SYT1: variants seen among roughly 807,000 people sequenced by gnomAD.
The protein encoded by SYT1 is synaptotagmin-1.
In SYT1, 8 loss-of-function variants were observed where a neutral mutation model predicts 44.8. That is an observed-to-expected ratio of 0.18 (90% confidence interval 0.10 to 0.32). The LOEUF is 0.32. SYT1 is among the 10% of genes least tolerant of loss of function. The pLI is 1.00. For missense variants in SYT1, 286 were observed against 509.3 expected (o/e 0.56, Z 4.22); for synonymous variants, 154 against 188.8 (o/e 0.82, Z 1.51).
chr12:78,873,311 T>C (rs1025326005), intron 1 of SYT1, among the ~76,000 whole-genome samples: 1 of 151,796 alleles, frequency 6.6e-6, no homozygotes, highest in East Asian at 1.9e-4. Context: ...CTTTTGCTTA[T>C]CTAACATCAT....
At chr12:78,973,152 T>G (rs1001392163) in intron 1 of SYT1, among the ~76,000 whole-genome samples, 1 of 152,194 alleles carries the variant, frequency 6.6e-6, no homozygotes, top group Non-Finnish European at 1.5e-5. Flanking sequence ...AAAAATGATA[T>G]GTATTTACAT....
intron 8 of SYT1, among the ~76,000 whole-genome samples, chr12:79,351,324 T>C (rs1379367181): frequency 6.6e-6 from 1 of 152,330 alleles, no homozygotes; most frequent in East Asian, 1.9e-4. Context: ...TAAAAGGTAT[T>C]GGAAGAAGAC....
At chr12:79,236,804 G>T (rs1388817766) in intron 4 of SYT1, among the ~76,000 whole-genome samples, 1 of 152,222 alleles carries the variant, frequency 6.6e-6, no homozygotes, top group African/African-American at 2.4e-5. Context: ...AATATGCATG[G>T]AAACAATAAC....
At chr12:79,108,531 G>A (rs766693266) in intron 3 of SYT1, among the ~76,000 whole-genome samples, 10 of 152,074 alleles carry the variant, frequency 6.6e-5, no homozygotes, top group Non-Finnish European at 1.2e-4. Context: ...TAAGGATACA[G>A]TGAGAGAGAC....
intron 4 of SYT1, among the ~76,000 whole-genome samples, chr12:79,224,624 G>A (rs984010926): frequency 1.5e-4 from 23 of 152,018 alleles, no homozygotes; most frequent in African/African-American, 5.3e-4. Context: ...GTCATGTGGG[G>A]CCTTGTCAAT....
chr12:79,412,187 G>A (rs1281362954), intron 9 of SYT1, among the ~76,000 whole-genome samples: 1 of 152,148 alleles, frequency 6.6e-6, no homozygotes, highest in Non-Finnish European at 1.5e-5. Context: ...TGTCCCTTCT[G>A]CCATGATTCT....
At chr12:78,949,491 C>T (rs866086797) in intron 1 of SYT1, among the ~76,000 whole-genome samples, 58 of 148,474 alleles carry the variant, frequency 3.9e-4, no homozygotes, top group Non-Finnish European at 5.8e-4. Context: ...AAAAAAAAAA[C>T]CTTAAATAAT....
At chr12:79,086,896 T>G (rs574889098) in intron 3 of SYT1, among the ~76,000 whole-genome samples, 133 of 152,286 alleles carry the variant, frequency 8.7e-4, no homozygotes, top group African/African-American at 3.2e-3. Context: ...ATTTATAAAA[T>G]GCCTTTTTTC....
chr12:79,187,991 A>G (rs1233152797), intron 3 of SYT1, among the ~76,000 whole-genome samples: 1 of 152,144 alleles, frequency 6.6e-6, no homozygotes, highest in Non-Finnish European at 1.5e-5. Flanking sequence ...AACTATCAAG[A>G]CTTGGGAAAG....
chr12:79,354,141 A>C (rs1053463832), intron 9 of SYT1, among the ~76,000 whole-genome samples: 1 of 152,158 alleles, frequency 6.6e-6, no homozygotes, highest in African/African-American at 2.4e-5. Context: ...TCCACAGCTG[A>C]CATTGAGGAT....
intron 3 of SYT1, among the ~76,000 whole-genome samples, chr12:79,082,649 T>C (rs1877112682): frequency 6.6e-6 from 1 of 152,222 alleles, no homozygotes; most frequent in Non-Finnish European, 1.5e-5. Flanking sequence ...AATATATCCC[T>C]GAACCCTTGC....
Position 79,219,550 on chromosome 12 carries a change from T to C in SYT1, c.166+1865T>C, listed in dbSNP as rs192871296. 3.6e-3 allele frequency among the ~76,000 whole-genome samples: 550 copies of C among 152,248 alleles called. 2 individuals are homozygous for C. The Middle Eastern group carries it at 0.037, about 10-fold the overall frequency. On this transcript the variant is annotated intron_variant, in intron 4 of 10. Transcript: ENST00000261205. ...TGTTGTGAGATAGAGTATAGTTTCA[T>C]TCTTATGCATGTGGATATCCAGTTT...
At chr12:79,081,383 CT>C (rs375161906) in intron 3 of SYT1, among the ~76,000 whole-genome samples, 2,417 of 141,204 alleles carry the variant, frequency 0.017, 35 homozygotes, top group African/African-American at 0.045. Flanking sequence ...CACAAATTCA[CT>C]TTTTTTTTTT....
intron 10 of SYT1, among the ~76,000 whole-genome samples, chr12:79,445,838 CAAG>C: frequency 6.8e-6 from 1 of 146,620 alleles, no homozygotes; most frequent in East Asian, 2.0e-4. Flanking sequence ...AGCTTTATTC[CAAG>C]AAGAAAGCTA....
Position 79,110,657 on chromosome 12 carries a change from G to C in SYT1, c.-18+63295G>C, listed in dbSNP as rs73355532. ...ACTTTAATTCTTCATATGGCAGTCT[G>C]ATTGAACCAATACATTTTTTAAAAA... On this transcript the variant is annotated intron_variant, in intron 3 of 10. Coordinates refer to ENST00000261205, the MANE Select transcript of SYT1 (RefSeq NM_005639.3). Among the ~76,000 whole-genome samples, 1,384 of 152,208 alleles carry C rather than the reference G, an allele frequency of 9.1e-3. 26 individuals carry two copies. The highest frequency in any genetic ancestry group is 0.032 in the African/African-American group (1,315 of 41,522).
At chr12:78,875,080 G>A (rs1025714544) in intron 1 of SYT1, among the ~76,000 whole-genome samples, 1 of 151,596 alleles carries the variant, frequency 6.6e-6, no homozygotes, top group African/African-American at 2.4e-5. Flanking sequence ...AGTTTTGTAA[G>A]GAAGGAGGGG....
chr12:79,073,862 T>G (rs1040465110), intron 3 of SYT1, among the ~76,000 whole-genome samples: 1 of 152,170 alleles, frequency 6.6e-6, no homozygotes, highest in East Asian at 1.9e-4. Context: ...TGTCTTCATA[T>G]ATAGCTTACT....
intron 9 of SYT1, among the ~76,000 whole-genome samples, chr12:79,431,264 A>T (rs1321115974): frequency 6.6e-6 from 1 of 152,168 alleles, no homozygotes; most frequent in Non-Finnish European, 1.5e-5. Context: ...AATTTAACTA[A>T]TACCCCCACT....
chr12:79,040,264 C>T (rs1873455728), intron 2 of SYT1, among the ~76,000 whole-genome samples: 1 of 151,220 alleles, frequency 6.6e-6, no homozygotes. Context: ...TCCTATTTCT[C>T]CACATCCTCT....
Sources: allele counts gnomAD v4.1 joint callset (sites outside exome capture counted in the v4.1 genomes callset), GRCh38; gene constraint gnomAD v4.1.1; transcripts MANE v1.5; gene names NCBI Gene and HGNC (gene_info 2026-07-23, HGNC 2026-07-21).